Variants in PIK3R4 observed in about 807,000 individuals in gnomAD.
The protein encoded by PIK3R4 is phosphoinositide 3-kinase regulatory subunit 4.
Under a neutral mutation model 136.5 loss-of-function variants are expected in PIK3R4, and 46 were observed. The ratio of observed to expected loss-of-function variants is 0.34; its 90% CI spans 0.27 to 0.43. The LOEUF (loss-of-function observed/expected upper bound fraction) is 0.43. PIK3R4 is among the 20% of genes least tolerant of loss of function. The pLI is 1.00. For synonymous variants in PIK3R4, 557 were observed against 566.7 expected (o/e 0.98, Z 0.24); for missense variants, 1,331 against 1,649.5 (o/e 0.81, Z 3.35).
At chr3:130,719,956 CAGATGA>C (rs1274454311) in intron 7 of PIK3R4, among the ~76,000 whole-genome samples, 5 of 152,256 alleles carry the variant, frequency 3.3e-5, no homozygotes, top group South Asian at 2.1e-4. Flanking sequence ...CAGAATGAGA[CAGATGA>C]ATCACAGTCA....
chr3:130,741,448 T>C (rs2066823399), intron 2 of PIK3R4, among the ~76,000 whole-genome samples: 1 of 152,252 alleles, frequency 6.6e-6, no homozygotes, highest in Non-Finnish European at 1.5e-5. Flanking sequence ...AACAAACTAA[T>C]GCAGCAGTGA....
At chr3:130,704,299 T>A (rs2066595302) in intron 12 of PIK3R4, among the ~76,000 whole-genome samples, 2 of 152,238 alleles carry the variant, frequency 1.3e-5, no homozygotes, top group South Asian at 4.1e-4. Context: ...GATTCTATCA[T>A]AAAATACAGC....
At chr3:130,714,162 T>C (rs2066648826) in intron 9 of PIK3R4, among the ~76,000 whole-genome samples, 1 of 152,178 alleles carries the variant, frequency 6.6e-6, no homozygotes, top group Non-Finnish European at 1.5e-5. Context: ...CACAAATTGC[T>C]TTCTAAAATA....
intron 4 of PIK3R4, among the ~76,000 whole-genome samples, 158 bp from the exon 5 acceptor site, chr3:130,730,600 C>G (rs1015455885): frequency 6.6e-6 from 1 of 151,592 alleles, no homozygotes; most frequent in Non-Finnish European, 1.5e-5. Flanking sequence ...TTTTAGTAAC[C>G]CAGCTCATAA....
chr3:130,698,762 C>T (rs1448414913), intron 13 of PIK3R4, among the ~76,000 whole-genome samples: 3 of 152,126 alleles, frequency 2.0e-5, no homozygotes, highest in East Asian at 1.9e-4. Flanking sequence ...ATTAATATAA[C>T]GTGTCAATTT....
In PIK3R4 at chr3:130,709,041, G is replaced by A. The variant is rs562630537; in HGVS notation, c.2332-549C>T. Among the ~76,000 whole-genome samples, 4 of 152,218 alleles carry A rather than the reference G, an allele frequency of 2.6e-5. No individual in the cohort carries two copies. The South Asian group carries it at 8.3e-4, about 32-fold the overall frequency. On this transcript the variant is annotated intron_variant, in intron 9 of 19. Transcript: ENST00000356763. The stretch of plus-strand genomic sequence containing the variant: ...GCAAATGTGAGCAACAAACCCAGTA[G>A]CAATCTAGGATAATGGCTGAAGTCA...
intron 11 of PIK3R4, 23 bp downstream of exon 11, chr3:130,706,925 C>T: frequency 6.3e-7 from 1 of 1,579,060 alleles, no homozygotes; most frequent in South Asian, 1.2e-5. Flanking sequence ...ATTAGGAGGA[C>T]TACTGACTGG....
chr3:130,693,971 G>A (rs531541617), intron 13 of PIK3R4, among the ~76,000 whole-genome samples: 3 of 151,792 alleles, frequency 2.0e-5, no homozygotes, highest in South Asian at 2.1e-4. Context: ...TTTTCCATGC[G>A]GAAATCCTAT....
intron 13 of PIK3R4, among the ~76,000 whole-genome samples, chr3:130,693,871 T>G (rs1198365894): frequency 6.6e-6 from 1 of 152,190 alleles, no homozygotes; most frequent in African/African-American, 2.4e-5. Context: ...CATGAAGATT[T>G]ACATGCCTAT....
Position 130,745,143 on chromosome 3 carries a change from A to G in PIK3R4, c.76T>C (p.Phe26Leu). Residue 26 changes from phenylalanine to leucine, a missense_variant, in exon 2 of 20, where the codon TTT (phenylalanine) becomes CTT (leucine). Physicochemically the swap from Phe to Leu is conservative, Grantham distance 22. Coordinates refer to ENST00000356763, the MANE Select transcript of PIK3R4 (RefSeq NM_014602.3). ...CTCCCCAGGCTTTTATCATATTCAA[A>G]GTCATGAATATCTGAAAAATAACTC... ...VESYFSDIHDFEYDKSLGSTR... is the reference protein window; with the variant it reads ...VESYFSDIHDLEYDKSLGSTR... The G allele has an allele frequency of 6.2e-7, 1 of 1,612,960 alleles. No individual in the cohort carries two copies. The highest frequency in any genetic ancestry group is 8.5e-7 in the Non-Finnish European group (1 of 1,179,740).
intron 13 of PIK3R4, among the ~76,000 whole-genome samples, chr3:130,694,337 T>C (rs1444297557): frequency 2.0e-5 from 3 of 152,008 alleles, no homozygotes; most frequent in African/African-American, 7.2e-5. Context: ...AGAAATTCCA[T>C]AGAGATGGCA....
chr3:130,722,075 G>A (rs2066704180), intron 7 of PIK3R4, among the ~76,000 whole-genome samples: 1 of 151,960 alleles, frequency 6.6e-6, no homozygotes, highest in Non-Finnish European at 1.5e-5. Context: ...AATACACATA[G>A]TTTAAAAACA....
Position 130,734,066 on chromosome 3 carries a change from T to G in PIK3R4, c.932A>C (p.Gln311Pro). The change falls in exon 4 of 20, where the codon CAG becomes CCG. Residue 311 changes from glutamine (Q) to proline (P), a missense_variant. Gln to Pro is a moderately conservative substitution (Grantham distance 76). Coordinates refer to ENST00000356763, the MANE Select transcript of PIK3R4 (RefSeq NM_014602.3). ...TATTTCAGGAAAGGCATTGCCACGC[T>G]GCTGTTTTAAGTAATCTTCTGCCTC... ...RLEAEDYLKQ[Q>P]RGNAFPEIFY... 6.2e-7 allele frequency: 1 copy of G among 1,614,166 alleles called. No individual in the cohort carries two copies. Among genetic ancestry groups the G allele is most frequent in the East Asian group, 2.2e-5 (1 of 44,884 alleles).
chr3:130,734,281 T>TA, intron 3 of PIK3R4, 151 bp from the exon 4 acceptor site: 2 of 629,658 alleles, frequency 3.2e-6, no homozygotes. Context: ...TAGAAAGCAG[T>TA]AAAAAATTAT....
chr3:130,702,690 AAGAG>A (rs1212617528), intron 13 of PIK3R4, among the ~76,000 whole-genome samples: 3 of 152,218 alleles, frequency 2.0e-5, no homozygotes, highest in Non-Finnish European at 4.4e-5. Context: ...GAAAGAAAGA[AAGAG>A]AGGGAGGACA....
chr3:130,709,208 TGAAAC>T (rs1209829996), intron 9 of PIK3R4, among the ~76,000 whole-genome samples: 4 of 152,212 alleles, frequency 2.6e-5, no homozygotes, highest in African/African-American at 9.6e-5. Context: ...ATAGTGCACT[TGAAAC>T]GGACAAATAC....
intron 13 of PIK3R4, among the ~76,000 whole-genome samples, chr3:130,693,816 G>C (rs1355329069): frequency 6.6e-6 from 1 of 152,032 alleles, no homozygotes; most frequent in Non-Finnish European, 1.5e-5. Flanking sequence ...TTTGTTACTT[G>C]TGTTTTTCAC....
intron 13 of PIK3R4, among the ~76,000 whole-genome samples, chr3:130,695,500 TG>T (rs1166755071): frequency 5.3e-5 from 8 of 152,270 alleles, no homozygotes. Flanking sequence ...CACACTGTCC[TG>T]TTCCCTCCTG....
chr3:130,690,148 T>C (rs1158602800), intron 14 of PIK3R4, among the ~76,000 whole-genome samples: 1 of 152,176 alleles, frequency 6.6e-6, no homozygotes, highest in Non-Finnish European at 1.5e-5. Flanking sequence ...GTGTTTTTAG[T>C]AGCTGAGACA....
Sources: gnomAD v4.1 joint callset for allele counts (sites outside exome capture counted in the v4.1 genomes callset) on GRCh38, gnomAD v4.1.1 for gene constraint, MANE v1.5 for transcripts, NCBI Gene and HGNC (gene_info 2026-07-23, HGNC 2026-07-21) for gene names.